Variants in OR1J2 observed in about 807,000 individuals in gnomAD.
OR1J2 encodes olfactory receptor family 1 subfamily J member 2, also known as olfactory receptor 1J2.
For missense variants in OR1J2, 304 were observed against 246.1 expected, an observed-to-expected ratio of 1.24 and a Z score of -1.57; for synonymous variants, 142 against 99.7, an observed-to-expected ratio of 1.42 and a Z score of -2.52.
At chr9:122,506,712 GAT>G (rs1828528017), upstream of OR1J2, among the ~76,000 whole-genome samples, 1 of 152,058 alleles carries the variant, frequency 6.6e-6, no homozygotes, top group Non-Finnish European at 1.5e-5. Flanking sequence ...GGGGAGAAGA[GAT>G]AGAATGTAAA....
At chr9:122,482,671 T>G in the OR1J2 span, among the ~76,000 whole-genome samples, 27 of 152,306 alleles carry the variant, frequency 1.8e-4, no homozygotes, top group African/African-American at 6.5e-4. Flanking sequence ...TGGAATACTA[T>G]TAAGCCATAA....
chr9:122,449,865 C>T, the OR1J2 span, among the ~76,000 whole-genome samples: 1 of 152,054 alleles, frequency 6.6e-6, no homozygotes. Context: ...TGAAATAAAA[C>T]TGAGAGTCAA....
chr9:122,470,490 C>T, the OR1J2 span, among the ~76,000 whole-genome samples: 5 of 152,168 alleles, frequency 3.3e-5, no homozygotes, highest in Admixed American at 6.5e-5. Context: ...TCATGGAGAA[C>T]CTTTGCTAGG....
the OR1J2 span, among the ~76,000 whole-genome samples, chr9:122,577,375 G>A: frequency 6.6e-6 from 1 of 152,140 alleles, no homozygotes; most frequent in Non-Finnish European, 1.5e-5. Flanking sequence ...AAAGTTTTCA[G>A]TAGTTTTACA....
At chr9:122,477,069 G>C in the OR1J2 span, 1 of 1,614,038 alleles carries the variant, frequency 6.2e-7, no homozygotes, top group Admixed American at 1.7e-5. Context: ...AAATGAATGG[G>C]TTCAACATGG....
chr9:122,470,120 T>G, the OR1J2 span, among the ~76,000 whole-genome samples: 1 of 152,248 alleles, frequency 6.6e-6, no homozygotes, highest in African/African-American at 2.4e-5. Context: ...TCCAAGACAA[T>G]GGGGGAAGTG....
the OR1J2 span, among the ~76,000 whole-genome samples, chr9:122,535,781 C>A: frequency 1.3e-5 from 2 of 152,078 alleles, no homozygotes; most frequent in African/African-American, 4.8e-5. Context: ...ACCAAACAGG[C>A]TTCATGTGAG....
the OR1J2 span, among the ~76,000 whole-genome samples, chr9:122,453,279 C>T: frequency 2.0e-5 from 3 of 152,138 alleles, no homozygotes; most frequent in African/African-American, 4.8e-5. Context: ...GCAAGAATGG[C>T]CTAGCACATT....
At chr9:122,567,712 T>C in the OR1J2 span, 1 of 1,614,074 alleles carries the variant, frequency 6.2e-7, no homozygotes, top group South Asian at 1.1e-5. Flanking sequence ...ACACAGAAGA[T>C]GCTTCCATAA....
At chr9:122,537,200 C>T in the OR1J2 span, among the ~76,000 whole-genome samples, 2 of 152,202 alleles carry the variant, frequency 1.3e-5, no homozygotes, top group Admixed American at 6.5e-5. Flanking sequence ...TCAGGTGGTA[C>T]GTCACAGGGG....
At chr9:122,541,185 C>T in the OR1J2 span, among the ~76,000 whole-genome samples, 2 of 152,182 alleles carry the variant, frequency 1.3e-5, no homozygotes, top group Non-Finnish European at 2.9e-5. Flanking sequence ...ATAAAGTCTT[C>T]CTTGCCTGTT....
At chr9:122,550,406 G>A in the OR1J2 span, among the ~76,000 whole-genome samples, 1 of 151,964 alleles carries the variant, frequency 6.6e-6, no homozygotes, top group African/African-American at 2.4e-5. Context: ...CTACAAAGCA[G>A]GTATCACCTG....
the OR1J2 span, among the ~76,000 whole-genome samples, chr9:122,566,892 T>C: frequency 6.6e-6 from 1 of 152,186 alleles, no homozygotes; most frequent in Non-Finnish European, 1.5e-5. Flanking sequence ...ATTTCCATGT[T>C]ATCCCTTGTG....
chr9:122,467,932 G>A, the OR1J2 span, among the ~76,000 whole-genome samples: 44 of 152,246 alleles, frequency 2.9e-4, no homozygotes, highest in East Asian at 7.7e-3. Context: ...ATTATTCCAG[G>A]GGATCAAGCC....
chr9:122,575,524 C>T, the OR1J2 span, among the ~76,000 whole-genome samples: 1 of 151,966 alleles, frequency 6.6e-6, no homozygotes, highest in African/African-American at 2.4e-5. Context: ...TTTTAATGTC[C>T]ATGAGATCTG....
the OR1J2 span, among the ~76,000 whole-genome samples, chr9:122,517,780 C>T: frequency 1.3e-5 from 2 of 151,696 alleles, no homozygotes; most frequent in East Asian, 1.9e-4. Flanking sequence ...CACAGGTAAA[C>T]GTGTGCCATG....
chr9:122,575,878 T>C, the OR1J2 span, among the ~76,000 whole-genome samples: 2 of 152,206 alleles, frequency 1.3e-5, no homozygotes, highest in East Asian at 1.9e-4. Context: ...TCCTTTGACC[T>C]ACATCTCCCA....
At chr9:122,524,384 A>T in the OR1J2 span, among the ~76,000 whole-genome samples, 1 of 152,364 alleles carries the variant, frequency 6.6e-6, no homozygotes, top group East Asian at 1.9e-4. Flanking sequence ...GTATGACTGT[A>T]TATCAAAGGA....
At chr9:122,486,313 T>C in the OR1J2 span, among the ~76,000 whole-genome samples, 1 of 152,198 alleles carries the variant, frequency 6.6e-6, no homozygotes, top group Non-Finnish European at 1.5e-5. Flanking sequence ...GATTCAGTGA[T>C]GAAACTTGCC....
Sources: gnomAD v4.1 joint callset for allele counts (sites outside exome capture counted in the v4.1 genomes callset) on GRCh38, gnomAD v4.1.1 for gene constraint, MANE v1.5 for transcripts, NCBI Gene and HGNC (gene_info 2026-07-23, HGNC 2026-07-21) for gene names.